Variants in NXPE2 observed in about 807,000 individuals in gnomAD.
NXPE2 encodes neurexophilin and PC-esterase domain family member 2, also known as NXPE family member 2.
Under a neutral mutation model 34.4 loss-of-function variants are expected in NXPE2, and 34 were observed. That is an observed-to-expected ratio of 0.99 (90% confidence interval 0.75 to 1.31). NXPE2 has a LOEUF of 1.31. Among genes scored for constraint, NXPE2 ranks in the 40% most tolerant of loss-of-function variants. The pLI is 0.00. For synonymous variants in NXPE2, 235 were observed against 231.3 expected (o/e 1.02, Z -0.15); for missense variants, 649 against 672.5 (o/e 0.97, Z 0.39).
At chr11:114,674,588 C>T (rs1311614428), upstream of NXPE2, among the ~76,000 whole-genome samples, 1 of 149,964 alleles carries the variant, frequency 6.7e-6, no homozygotes, top group Non-Finnish European at 1.5e-5. Context: ...AAAAAAAAAT[C>T]AAATCACAAA....
chr11:114,748,447 A>G, the NXPE2 span, among the ~76,000 whole-genome samples: 4 of 152,216 alleles, frequency 2.6e-5, no homozygotes, highest in East Asian at 1.9e-4. Context: ...AAAGAATTCA[A>G]TTTGGAATCA....
the NXPE2 span, among the ~76,000 whole-genome samples, chr11:114,800,202 C>T: frequency 6.6e-6 from 1 of 152,190 alleles, no homozygotes; most frequent in African/African-American, 2.4e-5. Flanking sequence ...CATCTTTACC[C>T]CCAAAATTGC....
At chr11:114,703,653 CATAG>C (rs58702498) in intron 3 of NXPE2, among the ~76,000 whole-genome samples, 1,044 of 102,898 alleles carry the variant, frequency 0.01, 8 homozygotes, top group South Asian at 0.03. Flanking sequence ...TTAAAATAAG[CATAG>C]ATAGATAGAT....
At chr11:114,714,772 C>T in the NXPE2 span, among the ~76,000 whole-genome samples, 46 of 152,128 alleles carry the variant, frequency 3.0e-4, no homozygotes, top group African/African-American at 1.1e-3. Context: ...ACCTATAATC[C>T]CAGCACTTTG....
the NXPE2 span, among the ~76,000 whole-genome samples, chr11:114,623,744 G>C: frequency 6.6e-6 from 1 of 152,120 alleles, no homozygotes; most frequent in African/African-American, 2.4e-5. Flanking sequence ...GGTAACCACT[G>C]TTAACTGGTG....
At chr11:114,521,586 G>A in the NXPE2 span, 110 of 166,348 alleles carry the variant, frequency 6.6e-4, no homozygotes, top group Admixed American at 5.9e-3. Flanking sequence ...TAGGGTGCTC[G>A]GAGTGATTAT....
chr11:114,753,136 G>T, the NXPE2 span, among the ~76,000 whole-genome samples: 1 of 152,166 alleles, frequency 6.6e-6, no homozygotes, highest in East Asian at 1.9e-4. Context: ...GCTGGGTGAA[G>T]TGGCTAGCAC....
chr11:114,609,094 G>A, the NXPE2 span, among the ~76,000 whole-genome samples: 4 of 150,212 alleles, frequency 2.7e-5, no homozygotes, highest in South Asian at 4.2e-4. Flanking sequence ...GATAATAAGT[G>A]TTGCCTCATG....
At chr11:114,530,715 G>T in the NXPE2 span, 1 of 1,614,088 alleles carries the variant, frequency 6.2e-7, no homozygotes, top group South Asian at 1.1e-5. Context: ...GCTGTGTGTG[G>T]CACTGGTGGT....
the NXPE2 span, among the ~76,000 whole-genome samples, chr11:114,795,079 G>T: frequency 6.6e-6 from 1 of 152,138 alleles, no homozygotes; most frequent in Non-Finnish European, 1.5e-5. Context: ...GCTTTAATTG[G>T]GTAGGTCTGT....
chr11:114,615,006 A>C, the NXPE2 span, among the ~76,000 whole-genome samples: 10 of 150,332 alleles, frequency 6.7e-5, no homozygotes, highest in African/African-American at 2.5e-5. Context: ...GGTTTATAAT[A>C]AGTGTTTCCT....
chr11:114,533,262 A>G, the NXPE2 span, among the ~76,000 whole-genome samples: 1 of 152,230 alleles, frequency 6.6e-6, no homozygotes, highest in South Asian at 2.1e-4. Flanking sequence ...ACAAACTCAC[A>G]AACTCAAAAG....
At chr11:114,592,605 T>C in the NXPE2 span, among the ~76,000 whole-genome samples, 1 of 151,934 alleles carries the variant, frequency 6.6e-6, no homozygotes, top group Non-Finnish European at 1.5e-5. Context: ...TTCAGACTAC[T>C]AAAAGCAATC....
At chr11:114,583,841 TC>T in the NXPE2 span, 1 of 396,704 alleles carries the variant, frequency 2.5e-6, no homozygotes, top group Non-Finnish European at 4.9e-6. Context: ...CAGGACTGTG[TC>T]CTTTCATAAA....
intron 3 of NXPE2, among the ~76,000 whole-genome samples, chr11:114,703,557 T>A (rs1452514944): frequency 1.3e-5 from 2 of 152,128 alleles, no homozygotes; most frequent in Non-Finnish European, 2.9e-5. Context: ...ACACTAGCCT[T>A]GGAAAGGGTT....
the NXPE2 span, among the ~76,000 whole-genome samples, chr11:114,549,252 G>T: frequency 6.6e-6 from 1 of 151,806 alleles, no homozygotes; most frequent in Non-Finnish European, 1.5e-5. Context: ...AAAACAAAAA[G>T]CTTCCAAATC....
the NXPE2 span, among the ~76,000 whole-genome samples, chr11:114,550,185 A>G: frequency 6.6e-6 from 1 of 152,146 alleles, no homozygotes; most frequent in Non-Finnish European, 1.5e-5. Context: ...ACAATGTCCT[A>G]AATATCTTCT....
chr11:114,786,357 C>CCA, the NXPE2 span, among the ~76,000 whole-genome samples: 278 of 125,430 alleles, frequency 2.2e-3, 1 homozygote, highest in Middle Eastern at 0.014. Flanking sequence ...ATCTTTCTAC[C>CCA]CCCGCCCCCC....
At chr11:114,738,200 A>G in the NXPE2 span, among the ~76,000 whole-genome samples, 14 of 152,178 alleles carry the variant, frequency 9.2e-5, no homozygotes, top group African/African-American at 3.4e-4. Flanking sequence ...AGCTCACTTT[A>G]TATTGCTCCA....
Sources: allele counts gnomAD v4.1 joint callset (sites outside exome capture counted in the v4.1 genomes callset), GRCh38; gene constraint gnomAD v4.1.1; transcripts MANE v1.5; gene names NCBI Gene and HGNC (gene_info 2026-07-23, HGNC 2026-07-21).